Variants in GTF2F2 observed in about 807,000 individuals in gnomAD.
GTF2F2 encodes ATP-dependent helicase GTF2F2.
In GTF2F2, 23 loss-of-function variants were observed where a neutral mutation model predicts 42.2. That is an observed-to-expected ratio of 0.55 (90% CI 0.39 to 0.77). GTF2F2 has a LOEUF of 0.77. Among genes scored for constraint, GTF2F2 ranks in the 30% least tolerant of loss-of-function variants. The pLI, the probability that GTF2F2 is intolerant of heterozygous loss-of-function variation, is 0.00. For synonymous variants in GTF2F2, 105 were observed against 100.8 expected, an observed-to-expected ratio of 1.04 and a Z score of -0.25; for missense variants, 261 against 287.2, an observed-to-expected ratio of 0.91 and a Z score of 0.66.
chr13:45,264,657 C>G (rs1290586644), intron 6 of GTF2F2, among the ~76,000 whole-genome samples: 1 of 152,190 alleles, frequency 6.6e-6, no homozygotes, highest in Non-Finnish European at 1.5e-5. Context: ...CCGACCCTTA[C>G]TCTTATCCCT....
In GTF2F2 at chr13:45,283,481, A is replaced by G; in HGVS notation, c.670A>G (p.Asn224Asp). 6.2e-7 allele frequency: 1 copy of G among 1,612,258 alleles called. No individual in the cohort carries two copies. Among genetic ancestry groups the G allele is most frequent in the Non-Finnish European group, 8.5e-7 (1 of 1,178,602 alleles). The stretch of plus-strand genomic sequence containing the variant: ...AATCTTAAAAGAAATTGGTGTTCAG[A>G]ATGTAAAAGGGATCCACAAAAACAC... ...KEILKEIGVQ[N>D]VKGIHKNTWE... is the part of the protein sequence containing the mutation. The change falls in exon 8 of 8, where the codon AAT (asparagine) becomes GAT (aspartate). Residue 224 changes from asparagine to aspartate, a missense_variant. Transcript: ENST00000340473.
At chr13:45,255,464 A>T (rs1876066228) in intron 6 of GTF2F2, among the ~76,000 whole-genome samples, 1 of 152,230 alleles carries the variant, frequency 6.6e-6, no homozygotes, top group African/African-American at 2.4e-5. Context: ...AACTGCATTC[A>T]GCCAAGCTTT....
intron 7 of GTF2F2, among the ~76,000 whole-genome samples, chr13:45,274,259 T>C (rs764371072): frequency 6.6e-6 from 1 of 151,966 alleles, no homozygotes; most frequent in Non-Finnish European, 1.5e-5. Flanking sequence ...ATTTGTTTTA[T>C]AAGCTGAAGC....
intron 4 of GTF2F2, among the ~76,000 whole-genome samples, chr13:45,168,277 C>T (rs1871400338): frequency 1.3e-5 from 2 of 152,252 alleles, no homozygotes; most frequent in South Asian, 2.1e-4. Context: ...TTACTGTGCA[C>T]ACTAGCCAAC....
rs539429523 is a variant in GTF2F2, at chr13:45,247,455, G to A, written c.387-5416G>A. 9.2e-5 allele frequency among the ~76,000 whole-genome samples: 14 copies of A among 151,422 alleles called. No individual in the cohort carries two copies. In the South Asian group the frequency reaches 1.7e-3, roughly 18 times the overall value. On this transcript the variant is annotated intron_variant, in intron 5 of 7. Transcript: ENST00000340473. ...TCACCCAGGCTGGAGTGCAGTGGCC[G>A]GATCTCAGCTCACTGCAACCTCCGC...
chr13:45,240,101 ATTTTTTTTTTTTTTT>A (rs34744288), intron 5 of GTF2F2, among the ~76,000 whole-genome samples: 13 of 91,094 alleles, frequency 1.4e-4, no homozygotes, highest in African/African-American at 5.3e-4. Context: ...ATGTAGAGGG[ATTTTTTTTTTTTTTT>A]TTTTTTTTTT....
At chr13:45,244,125 T>C (rs1399603379) in intron 5 of GTF2F2, among the ~76,000 whole-genome samples, 1 of 152,210 alleles carries the variant, frequency 6.6e-6, no homozygotes, top group Non-Finnish European at 1.5e-5. Context: ...GAGTCTTTTT[T>C]TTCAGTGTTA....
chr13:45,195,429 G>T (rs1566131175), intron 4 of GTF2F2, among the ~76,000 whole-genome samples: 1 of 152,156 alleles, frequency 6.6e-6, no homozygotes, highest in Non-Finnish European at 1.5e-5. Flanking sequence ...AAAATACTGT[G>T]ACTGTGTATG....
chr13:45,252,957 A>G lies in GTF2F2; in HGVS notation c.473A>G (p.Asn158Ser), dbSNP rs368662676. ...ACAACCAATTACAAACCTGTTGCTAATCATCAATACAATGTAAGTCTTCTG... is the reference window on the plus strand; with the variant it reads ...ACAACCAATTACAAACCTGTTGCTAGTCATCAATACAATGTAAGTCTTCTG... Reference protein sequence around the residue: ...VVTTNYKPVANHQYNIEYERK... With the variant: ...VVTTNYKPVASHQYNIEYERK... Residue 158 changes from asparagine to serine, a missense_variant, in exon 6 of 8, where the codon AAT becomes AGT. Asn to Ser is a conservative substitution (Grantham distance 46). Coordinates refer to ENST00000340473, the MANE Select transcript of GTF2F2 (RefSeq NM_004128.3). 5 of 1,372,538 alleles carry G rather than the reference A, an allele frequency of 3.6e-6. No individual in the cohort carries two copies. Among genetic ancestry groups the G allele is most frequent in the African/African-American group, 1.5e-5 (1 of 65,268 alleles). 85.0% of individuals were successfully genotyped at this position (1,372,538 alleles called of 1,614,324 possible). A position where few individuals can be genotyped will look rare whatever the true frequency, so the allele number is the denominator to read the frequency against.
chr13:45,280,269 A>G (rs1877207270), intron 7 of GTF2F2, among the ~76,000 whole-genome samples: 1 of 152,224 alleles, frequency 6.6e-6, no homozygotes. Context: ...GGCGTTTGGA[A>G]TTTAATGTGT....
intron 4 of GTF2F2, chr13:45,194,454 G>A (rs149350558): frequency 1.5e-4 from 244 of 1,613,994 alleles, no homozygotes; most frequent in Non-Finnish European, 1.8e-4. Flanking sequence ...ATCCACCAAC[G>A]TTGAGGGTCA....
At chr13:45,272,435 A>G (rs557960914) in intron 7 of GTF2F2, among the ~76,000 whole-genome samples, 1 of 141,406 alleles carries the variant, frequency 7.1e-6, no homozygotes, top group Admixed American at 6.8e-5. Flanking sequence ...AAAAAAAAAA[A>G]AAAAACAAAA....
At chr13:45,167,774 T>C (rs1274747774) in intron 4 of GTF2F2, among the ~76,000 whole-genome samples, 1 of 152,048 alleles carries the variant, frequency 6.6e-6, no homozygotes, top group East Asian at 1.9e-4. Flanking sequence ...ACTCCTGACC[T>C]CAAGTGATCC....
At chr13:45,151,893 A>G (rs1458931377) in intron 4 of GTF2F2, 62 bp downstream of exon 4, 29 of 763,192 alleles carry the variant, frequency 3.8e-5, no homozygotes, top group Non-Finnish European at 5.9e-6. Flanking sequence ...TTTCTGTCTC[A>G]ACATACACTC....
intron 4 of GTF2F2, among the ~76,000 whole-genome samples, chr13:45,153,040 T>C (rs1870573258): frequency 6.6e-6 from 1 of 151,746 alleles, no homozygotes; most frequent in African/African-American, 2.4e-5. Context: ...AGACGTAGTC[T>C]TGCTCTGTCG....
At chr13:45,253,361 T>C (rs1875957417) in intron 6 of GTF2F2, among the ~76,000 whole-genome samples, 1 of 152,198 alleles carries the variant, frequency 6.6e-6, no homozygotes, top group East Asian at 1.9e-4. Flanking sequence ...AGAAAGTTTT[T>C]AATGTGTTAA....
intron 1 of GTF2F2, among the ~76,000 whole-genome samples, chr13:45,126,396 C>T (rs1344857356): frequency 6.6e-6 from 1 of 151,934 alleles, no homozygotes; most frequent in African/African-American, 2.4e-5. Context: ...GGATTACAGG[C>T]GTGCACCACG....
At chr13:45,121,267 G>A (rs1488101451) in intron 1 of GTF2F2, among the ~76,000 whole-genome samples, 1 of 152,172 alleles carries the variant, frequency 6.6e-6, no homozygotes, top group Non-Finnish European at 1.5e-5. Context: ...GAGCACATTT[G>A]GGTCTCGTGA....
chr13:45,155,894 T>C (rs1870734993), intron 4 of GTF2F2, among the ~76,000 whole-genome samples: 1 of 152,234 alleles, frequency 6.6e-6, no homozygotes, highest in African/African-American at 2.4e-5. Context: ...TTACTATTTA[T>C]TGGTAACCAT....
Sources: allele counts gnomAD v4.1 joint callset (sites outside exome capture counted in the v4.1 genomes callset), GRCh38; gene constraint gnomAD v4.1.1; transcripts MANE v1.5; gene names NCBI Gene and HGNC (gene_info 2026-07-23, HGNC 2026-07-21).